Variants in FIG4 observed in about 807,000 individuals in gnomAD.
FIG4 encodes FIG4 phosphoinositide 5-phosphatase, also known as polyphosphoinositide phosphatase.
A neutral mutation model predicts 118.6 loss-of-function variants in FIG4; 112 were observed. That is an observed-to-expected ratio of 0.94 (90% CI 0.81 to 1.11). The LOEUF (loss-of-function observed/expected upper bound fraction) is 1.11. Ranked by LOEUF, FIG4 falls within the 50% of genes least tolerant of loss-of-function variation. The probability of loss-of-function intolerance (pLI) is 0.00; values close to 1 mark genes in which losing one functional copy is unlikely to be tolerated. For missense variants in FIG4, 969 were observed against 1,111.7 expected (o/e 0.87, Z 1.83); for synonymous variants, 369 against 381.2 (o/e 0.97, Z 0.37).
intron 10 of FIG4, among the ~76,000 whole-genome samples, chr6:109,758,827 A>G (rs765510875): frequency 2.0e-5 from 3 of 152,212 alleles, no homozygotes; most frequent in African/African-American, 7.2e-5. Flanking sequence ...ACACATTTAT[A>G]TGTGGCCAAC....
At chr6:109,721,128 A>T (rs745651987) in intron 3 of FIG4, among the ~76,000 whole-genome samples, 2 of 152,228 alleles carry the variant, frequency 1.3e-5, no homozygotes, top group Non-Finnish European at 2.9e-5. Flanking sequence ...AGAAGTATCA[A>T]TACGGTACAC....
chr6:109,796,720 A>G, intron 21 of FIG4, 45 bp from the exon 22 acceptor site: 2 of 1,090,242 alleles, frequency 1.8e-6, no homozygotes, highest in Non-Finnish European at 2.9e-6. Flanking sequence ...AATTAATTGC[A>G]AGTACTCCCT....
chr6:109,716,532 G>A lies in FIG4; in HGVS notation c.253G>A (p.Gly85Ser). Reference protein sequence around the residue: ...RTKMGQKGSSGLFRAVSAFGV... With the variant: ...RTKMGQKGSSSLFRAVSAFGV... Reference sequence around the variant, plus strand: ...AAAGATGGGACAGAAAGGATCCTCGGGCTTATTTCGAGCGGTTTCAGCTTT... The same window carrying A: ...AAAGATGGGACAGAAAGGATCCTCGAGCTTATTTCGAGCGGTTTCAGCTTT... Residue 85 changes from glycine (G) to serine (S), a missense_variant, in exon 3 of 23, where the codon GGC becomes AGC. This residue lies in a region of FIG4 where 393 missense variants were observed against 409.4 expected (regional missense o/e 0.96). Coordinates refer to ENST00000230124, the MANE Select transcript of FIG4 (RefSeq NM_014845.6). The A allele has an allele frequency of 6.2e-7, 1 of 1,613,914 alleles. No homozygotes were observed. The highest frequency in any genetic ancestry group is 1.1e-5 in the South Asian group (1 of 91,074).
chr6:109,723,237 G>C (rs74588481), intron 3 of FIG4, among the ~76,000 whole-genome samples: 1 of 152,036 alleles, frequency 6.6e-6, no homozygotes, highest in South Asian at 2.1e-4. Context: ...TTTCAGAAGT[G>C]TCACCTCTTC....
At chr6:109,754,672 G>C (rs9481002) in intron 10 of FIG4, among the ~76,000 whole-genome samples, 46,211 of 151,754 alleles carry the variant, frequency 0.3, 7,551 homozygotes, top group Non-Finnish European at 0.37. Flanking sequence ...GTCTTGGGAG[G>C]GTGTATGTGT....
At chr6:109,730,586 G>A (rs1229256759) in intron 4 of FIG4, among the ~76,000 whole-genome samples, 2 of 152,150 alleles carry the variant, frequency 1.3e-5, no homozygotes, top group Non-Finnish European at 2.9e-5. Flanking sequence ...AGGAATTGAT[G>A]GGGGTCAATG....
chr6:109,711,960 A>G (rs1775278538), intron 1 of FIG4, among the ~76,000 whole-genome samples: 1 of 152,176 alleles, frequency 6.6e-6, no homozygotes, highest in African/African-American at 2.4e-5. Context: ...TCTGGTGGTA[A>G]CAAATTCCCA....
chr6:109,811,785 G>A lies in FIG4; in HGVS notation c.2547-13303G>A, dbSNP rs78722975. Among the ~76,000 whole-genome samples, 11 of 152,190 alleles carry A rather than the reference G, an allele frequency of 7.2e-5. No individual in the cohort carries two copies. The East Asian group carries it at 1.7e-3, about 24-fold the overall frequency. Reference sequence around the variant, plus strand: ...GAGCTGTTTTAAATTAGGCTTAGAGGAAAGTTTTCTCTGAGGAGTTAATGT... The same window carrying A: ...GAGCTGTTTTAAATTAGGCTTAGAGAAAAGTTTTCTCTGAGGAGTTAATGT... On this transcript the variant is annotated intron_variant, in intron 22 of 22. Coordinates refer to ENST00000230124, the MANE Select transcript of FIG4 (RefSeq NM_014845.6).
intron 8 of FIG4, 42 bp from the exon 9 acceptor site, chr6:109,743,068 T>A: frequency 6.5e-7 from 1 of 1,527,698 alleles, no homozygotes; most frequent in East Asian, 2.3e-5. Flanking sequence ...ATTAAACATT[T>A]CTAATAACAT....
intron 1 of FIG4, among the ~76,000 whole-genome samples, chr6:109,709,554 G>A (rs1425694971): frequency 6.6e-6 from 1 of 152,220 alleles, no homozygotes; most frequent in Non-Finnish European, 1.5e-5. Flanking sequence ...GCTTTGGGCA[G>A]TATGGCCATT....
chr6:109,743,455 A>T, intron 9 of FIG4, 183 bp downstream of exon 9: 1 of 670,980 alleles, frequency 1.5e-6, no homozygotes, highest in South Asian at 1.8e-5. Flanking sequence ...TTTGACTGTT[A>T]AATAAATTAT....
intron 14 of FIG4, among the ~76,000 whole-genome samples, chr6:109,766,241 A>G (rs951116006): frequency 6.6e-6 from 1 of 152,212 alleles, no homozygotes; most frequent in African/African-American, 2.4e-5. Context: ...CACTACATCT[A>G]CCAGCTCCTT....
rs544115990 is a variant in FIG4 at position 109,729,567 on chromosome 6, T to C, written c.446+2302T>C. 2.6e-4 allele frequency among the ~76,000 whole-genome samples: 40 copies of C among 152,222 alleles called. 1 individual carries two copies. The highest frequency in any genetic ancestry group is 3.4e-3 in the Middle Eastern group (1 of 294). ...ACAGCATCATTTCCTACTTGGAAAA[T>C]TTGAGAATATCTACAAATTCTCGGA... On this transcript the variant is annotated intron_variant, in intron 4 of 22. Transcript: ENST00000230124.
At chr6:109,761,628 C>T (rs1476654918) in intron 11 of FIG4, among the ~76,000 whole-genome samples, 1 of 152,212 alleles carries the variant, frequency 6.6e-6, no homozygotes, top group East Asian at 1.9e-4. Context: ...CTTAAGTGAT[C>T]CGCCCGCATT....
intron 13 of FIG4, 144 bp from the exon 14 acceptor site, chr6:109,764,869 T>C: frequency 2.9e-6 from 2 of 695,620 alleles, no homozygotes; most frequent in South Asian, 1.8e-5. Flanking sequence ...TAATATTTGT[T>C]CAGGAATAAT....
chr6:109,786,847 C>A (rs1777974328), intron 18 of FIG4, among the ~76,000 whole-genome samples: 1 of 152,096 alleles, frequency 6.6e-6, no homozygotes, highest in Non-Finnish European at 1.5e-5. Flanking sequence ...GGAAAATTAT[C>A]CAACTTACCT....
At chr6:109,706,662 C>T (rs1775076012) in intron 1 of FIG4, among the ~76,000 whole-genome samples, 1 of 152,188 alleles carries the variant, frequency 6.6e-6, no homozygotes, top group African/African-American at 2.4e-5. Context: ...AGAAAAGGAA[C>T]TAACACTTAT....
In FIG4 at chr6:109,765,223, T is replaced by C. The variant is rs1777246157; in HGVS notation, c.1583+62T>C. ...GGCAGAAGGCAAACCTGGTTACTAA[T>C]AAGATTTTTTTATGAAAGCGTTTCT... On this transcript the variant is annotated intron_variant, in intron 14 of 22. Coordinates refer to ENST00000230124, the MANE Select transcript of FIG4 (RefSeq NM_014845.6). 3 of 1,414,456 alleles carry C rather than the reference T, an allele frequency of 2.1e-6. No homozygotes were observed. The East Asian group carries it at 6.9e-5, about 32-fold the overall frequency. 87.6% of individuals were successfully genotyped at this position (1,414,456 alleles called of 1,614,324 possible). A position where few individuals can be genotyped will look rare whatever the true frequency, so the allele number is the denominator to read the frequency against.
intron 10 of FIG4, among the ~76,000 whole-genome samples, chr6:109,752,912 C>T (rs922926879): frequency 1.3e-5 from 2 of 152,120 alleles, no homozygotes; most frequent in Non-Finnish European, 2.9e-5. Context: ...GAAGTCCTTG[C>T]CCATGCCTAT....
Sources: allele counts gnomAD v4.1 joint callset (sites outside exome capture counted in the v4.1 genomes callset), GRCh38; gene constraint gnomAD v4.1.1; regional missense constraint gnomAD v4.1.1; transcripts MANE v1.5; gene names NCBI Gene and HGNC (gene_info 2026-07-23, HGNC 2026-07-21).